The following CHST9 variants were observed in gnomAD, a reference collection of about 807,000 sequenced individuals.
The protein encoded by CHST9 is carbohydrate sulfotransferase 9.
In CHST9, 41 loss-of-function variants were observed where a neutral mutation model predicts 44.4. The ratio of observed to expected loss-of-function variants is 0.92; its 90% CI spans 0.72 to 1.20. The LOEUF is 1.20. Ranked by LOEUF, CHST9 falls within the 50% of genes most tolerant of loss-of-function variation. The pLI is 0.00. For missense variants in CHST9, 504 were observed against 516.5 expected, an observed-to-expected ratio of 0.98 and a Z score of 0.23; for synonymous variants, 171 against 178.4, an observed-to-expected ratio of 0.96 and a Z score of 0.33.
intron 4 of CHST9, among the ~76,000 whole-genome samples, chr18:26,956,492 T>A (rs954191425): frequency 1.3e-5 from 2 of 148,816 alleles, no homozygotes; most frequent in African/African-American, 4.9e-5. Flanking sequence ...ATACAATTTT[T>A]TATATATATA....
At chr18:27,163,643 G>A (rs771522157) in intron 1 of CHST9, among the ~76,000 whole-genome samples, 14 of 152,164 alleles carry the variant, frequency 9.2e-5, no homozygotes, top group South Asian at 2.1e-4. Context: ...CTGCTGTGAC[G>A]TTTGCTAAGA....
chr18:27,144,178 T>C (rs764349899), intron 1 of CHST9, among the ~76,000 whole-genome samples: 9 of 152,162 alleles, frequency 5.9e-5, no homozygotes, highest in African/African-American at 9.7e-5. Context: ...CGAATAAATG[T>C]TTCTTAAATG....
Position 27,107,275 on chromosome 18 carries a change from A to C in CHST9, c.121+35414T>G, listed in dbSNP as rs941487548. On this transcript the variant is annotated intron_variant, in intron 2 of 5. Transcript: ENST00000618847. ...AGTTTCCGCCAGTGGTATCATGGGG[A>C]CTTATTTTAGGAAAATAACTTTCTC... 2.6e-5 allele frequency among the ~76,000 whole-genome samples: 4 copies of C among 152,150 alleles called. 1 individual carries two copies. Among genetic ancestry groups the C allele is most frequent in the Admixed American group, 1.3e-4 (2 of 15,272 alleles).
At chr18:27,152,011 A>AT (rs1246280420) in intron 1 of CHST9, among the ~76,000 whole-genome samples, 1 of 152,072 alleles carries the variant, frequency 6.6e-6, no homozygotes, top group East Asian at 1.9e-4. Context: ...TCCTTCTGGG[A>AT]TTTTTTCACA....
At chr18:26,995,263 A>C (rs1258935205) in intron 4 of CHST9, among the ~76,000 whole-genome samples, 2 of 150,152 alleles carry the variant, frequency 1.3e-5, no homozygotes, top group Non-Finnish European at 3.0e-5. Flanking sequence ...CTCTACTAAA[A>C]AAAAAAAAAA....
At chr18:27,167,815 T>C (rs894130104) in intron 1 of CHST9, among the ~76,000 whole-genome samples, 4 of 152,172 alleles carry the variant, frequency 2.6e-5, no homozygotes, top group African/African-American at 9.7e-5. Flanking sequence ...AAGGATCTAA[T>C]CATGTGCAAA....
intron 2 of CHST9, among the ~76,000 whole-genome samples, chr18:27,124,701 C>T (rs577924707): frequency 1.3e-5 from 2 of 152,260 alleles, no homozygotes; most frequent in Admixed American, 6.5e-5. Flanking sequence ...TTGGACACAC[C>T]TTTGATTCAA....
At position 27,179,438 on chromosome 18, in the gene CHST9, G is replaced by A. The variant is rs182977711; in HGVS notation, c.-97+5698C>T. Among the ~76,000 whole-genome samples the A allele has an allele frequency of 2.9e-3, 438 of 151,936 alleles. 1 individual carries two copies. The highest frequency in any genetic ancestry group is 5.0e-3 in the Non-Finnish European group (336 of 67,872). ...GGTAGGGGCATGAAAAATAATCCAC[G>A]CCTACATAAAAATCTTGGTTATCTA... On this transcript the variant is annotated intron_variant, in intron 1 of 5. Coordinates refer to ENST00000618847, the MANE Select transcript of CHST9 (RefSeq NM_031422.6).
intron 2 of CHST9, among the ~76,000 whole-genome samples, chr18:27,110,288 T>A (rs2058259764): frequency 6.6e-6 from 1 of 152,188 alleles, no homozygotes; most frequent in Non-Finnish European, 1.5e-5. Context: ...CTCGTTTGCA[T>A]GTGATGATTT....
intron 3 of CHST9, among the ~76,000 whole-genome samples, chr18:27,034,026 G>A (rs999458828): frequency 1.3e-5 from 2 of 152,080 alleles, no homozygotes; most frequent in Admixed American, 6.6e-5. Context: ...TCCCCCATCC[G>A]CACTGCTGCT....
chr18:26,940,697 T>C (rs1319425000), intron 5 of CHST9, among the ~76,000 whole-genome samples: 4 of 151,878 alleles, frequency 2.6e-5, no homozygotes, highest in African/African-American at 9.7e-5. Flanking sequence ...AGTGATGGAG[T>C]CGAGGATGAC....
chr18:27,154,258 A>G (rs2058681495), intron 1 of CHST9, among the ~76,000 whole-genome samples: 2 of 152,100 alleles, frequency 1.3e-5, no homozygotes, highest in Admixed American at 1.3e-4. Flanking sequence ...CTACTACTCT[A>G]AGCATTTTAT....
At chr18:27,055,091 C>A (rs1289704351) in intron 2 of CHST9, among the ~76,000 whole-genome samples, 1 of 152,082 alleles carries the variant, frequency 6.6e-6, no homozygotes, top group African/African-American at 2.4e-5. Context: ...ATCTGCCTTG[C>A]TCTGAGAGGT....
intron 4 of CHST9, among the ~76,000 whole-genome samples, chr18:26,955,762 T>TA (rs2145139248): frequency 6.6e-6 from 1 of 152,106 alleles, no homozygotes; most frequent in African/African-American, 2.4e-5. Flanking sequence ...GGGACTTGGG[T>TA]ACCAGGTCAT....
intron 2 of CHST9, among the ~76,000 whole-genome samples, chr18:27,094,514 A>G (rs2058098449): frequency 6.6e-6 from 1 of 152,166 alleles, no homozygotes; most frequent in Non-Finnish European, 1.5e-5. Context: ...AGATTTAGCA[A>G]TTTCTTATGT....
At chr18:27,078,380 A>G (rs971112423) in intron 2 of CHST9, among the ~76,000 whole-genome samples, 6 of 152,140 alleles carry the variant, frequency 3.9e-5, no homozygotes, top group Admixed American at 1.3e-4. Context: ...CCTGTTATTC[A>G]TGGTAGTTTG....
chr18:27,059,197 A>G (rs1228271139), intron 2 of CHST9, among the ~76,000 whole-genome samples: 1 of 152,216 alleles, frequency 6.6e-6, no homozygotes, highest in Non-Finnish European at 1.5e-5. Context: ...AGTAAAAGTA[A>G]AGTGGAGACT....
intron 2 of CHST9, among the ~76,000 whole-genome samples, chr18:27,093,151 C>T (rs1440334749): frequency 6.6e-6 from 1 of 152,190 alleles, no homozygotes; most frequent in Non-Finnish European, 1.5e-5. Context: ...GTCCATCAGC[C>T]CCTACTGGGA....
chr18:26,976,818 CAA>C (rs2056629370), intron 4 of CHST9, among the ~76,000 whole-genome samples: 1 of 152,074 alleles, frequency 6.6e-6, no homozygotes, highest in Admixed American at 6.6e-5. Flanking sequence ...ATCACAGTGA[CAA>C]TTGTGATCTG....
Sources: gnomAD v4.1 joint callset for allele counts (sites outside exome capture counted in the v4.1 genomes callset) on GRCh38, gnomAD v4.1.1 for gene constraint, MANE v1.5 for transcripts, NCBI Gene and HGNC (gene_info 2026-07-23, HGNC 2026-07-21) for gene names.